The following ST7 variants were observed in gnomAD, a reference collection of about 807,000 sequenced individuals.
ST7 encodes the protein suppression of tumorigenicity 7, also known as suppressor of tumorigenicity 7 protein.
In ST7, 28 loss-of-function variants were observed where a neutral mutation model predicts 78.7. The observed-to-expected ratio is 0.36, with a 90% CI of 0.26 to 0.49. The LOEUF is 0.49. Ranked by LOEUF, ST7 falls within the 20% of genes least tolerant of loss-of-function variation. ST7 has a pLI of 0.99. For missense variants in ST7, 418 were observed against 696.0 expected (o/e 0.60, Z 4.49); for synonymous variants, 247 against 249.6 (o/e 0.99, Z 0.10).
chr7:116,970,030 G>A (rs574192267), intron 1 of ST7, among the ~76,000 whole-genome samples: 8 of 152,196 alleles, frequency 5.3e-5, no homozygotes, highest in African/African-American at 1.9e-4. Context: ...AGCCGAGATC[G>A]CGCCATTGCA....
At chr7:117,028,051 C>T (rs1173939619) in intron 1 of ST7, among the ~76,000 whole-genome samples, 2 of 152,250 alleles carry the variant, frequency 1.3e-5, no homozygotes, top group East Asian at 3.9e-4. Flanking sequence ...CAGTAATCAG[C>T]TCTTGTCATC....
intron 1 of ST7, chr7:116,968,375 T>A: frequency 2.3e-6 from 1 of 433,612 alleles, no homozygotes; most frequent in Non-Finnish European, 4.6e-6. Flanking sequence ...TCTTCTTCCT[T>A]CTTTTTGCTT....
chr7:117,209,542 T>C (rs1792112457), intron 12 of ST7, among the ~76,000 whole-genome samples: 1 of 152,222 alleles, frequency 6.6e-6, no homozygotes, highest in African/African-American at 2.4e-5. Context: ...TTTCTTTGAT[T>C]AGAGTGTCTT....
intron 1 of ST7, among the ~76,000 whole-genome samples, chr7:117,083,450 G>T (rs566364231): frequency 6.6e-6 from 1 of 151,950 alleles, no homozygotes; most frequent in Non-Finnish European, 1.5e-5. Context: ...TAGGGATGGG[G>T]TTTCACCATG....
At chr7:117,041,305 A>G (rs927778055) in intron 1 of ST7, among the ~76,000 whole-genome samples, 4 of 152,186 alleles carry the variant, frequency 2.6e-5, no homozygotes, top group African/African-American at 7.2e-5. Flanking sequence ...AAATTCTGCT[A>G]TTACTGGAGT....
At chr7:116,956,398 C>T (rs750408581) in intron 1 of ST7, 25 of 454,672 alleles carry the variant, frequency 5.5e-5, no homozygotes, top group Non-Finnish European at 8.2e-5. Flanking sequence ...AGAGTTCTAA[C>T]GGGACTAACT....
rs200640833 is a variant in ST7 at position 117,169,137 on chromosome 7, C to T, written c.964-1725C>T. 6.3e-3 allele frequency among the ~76,000 whole-genome samples: 701 copies of T among 110,570 alleles called. 11 individuals carry two copies. Among genetic ancestry groups the T allele is most frequent in the African/African-American group, 0.019 (422 of 22,596 alleles). 72.5% of individuals were successfully genotyped at this position (110,570 alleles called of 152,430 possible). On this transcript the variant is annotated intron_variant, in intron 9 of 15. Coordinates refer to ENST00000323984, the MANE Select transcript of ST7 (RefSeq NM_001369598.1). ...TTACCTTCTTTTTTTAATCTTCTTCCTTTTTTTTTTTTTTTTGAGACGGAG... is the reference window on the plus strand; with the variant it reads ...TTACCTTCTTTTTTTAATCTTCTTCTTTTTTTTTTTTTTTTTGAGACGGAG...
intron 1 of ST7, among the ~76,000 whole-genome samples, chr7:117,004,244 G>A (rs1795064425): frequency 6.6e-6 from 1 of 152,068 alleles, no homozygotes; most frequent in Non-Finnish European, 1.5e-5. Context: ...TGATTTCTTG[G>A]ACATTGATAA....
At chr7:117,103,837 C>A (rs1236534748) in intron 2 of ST7, among the ~76,000 whole-genome samples, 82 of 152,130 alleles carry the variant, frequency 5.4e-4, no homozygotes, top group Non-Finnish European at 4.4e-5. Flanking sequence ...TATTTGCAGG[C>A]TATTCATCTA....
chr7:117,212,137 A>G (rs986834309), intron 13 of ST7, among the ~76,000 whole-genome samples: 2 of 152,230 alleles, frequency 1.3e-5, no homozygotes, highest in African/African-American at 4.8e-5. Context: ...AGTGCTTACT[A>G]TATGCTAAAT....
intron 6 of ST7, among the ~76,000 whole-genome samples, chr7:117,132,474 C>T (rs1346325695): frequency 6.6e-6 from 1 of 151,804 alleles, no homozygotes; most frequent in Non-Finnish European, 1.5e-5. Flanking sequence ...TGGGAAATCT[C>T]TTCTGGAGAT....
chr7:117,181,176 A>G (rs1483570157), intron 10 of ST7, among the ~76,000 whole-genome samples: 1 of 152,218 alleles, frequency 6.6e-6, no homozygotes, highest in Non-Finnish European at 1.5e-5. Context: ...AAGTGTACAA[A>G]AAGATCAGAA....
Position 117,099,750 on chromosome 7 carries a change from T to G in ST7, c.152-12T>G. 6.2e-7 allele frequency: 1 copy of G among 1,606,904 alleles called. No individual in the cohort carries two copies. The highest frequency in any genetic ancestry group is 8.5e-7 in the Non-Finnish European group (1 of 1,176,844). On this transcript the variant is annotated splice_polypyrimidine_tract_variant and intron_variant, in intron 1 of 15. Coordinates refer to ENST00000323984, the MANE Select transcript of ST7 (RefSeq NM_001369598.1). The stretch of plus-strand genomic sequence containing the variant: ...CTTGTTCTTCTCCCTTTCTCTCTCT[T>G]TTCTTTTTCAGTGAGCATGTTTTTG...
At chr7:117,028,611 G>T (rs1218073241) in intron 1 of ST7, among the ~76,000 whole-genome samples, 1 of 152,138 alleles carries the variant, frequency 6.6e-6, no homozygotes, top group Non-Finnish European at 1.5e-5. Flanking sequence ...TCTTGTGTTG[G>T]TATAATGATG....
At chr7:117,039,709 G>GT (rs1332652773) in intron 1 of ST7, among the ~76,000 whole-genome samples, 4 of 152,004 alleles carry the variant, frequency 2.6e-5, no homozygotes, top group African/African-American at 7.3e-5. Flanking sequence ...AAAAATTTAT[G>GT]TTTTTTATGT....
At chr7:117,116,039 G>T (rs928507526) in intron 2 of ST7, among the ~76,000 whole-genome samples, 6 of 151,964 alleles carry the variant, frequency 3.9e-5, no homozygotes, top group African/African-American at 1.2e-4. Context: ...AGCAACCAAG[G>T]TCACATAGCC....
intron 9 of ST7, among the ~76,000 whole-genome samples, chr7:117,165,822 G>C (rs938650405): frequency 6.6e-6 from 1 of 152,168 alleles, no homozygotes. Context: ...CAGGACAGGA[G>C]AGCACTCCAG....
intron 15 of ST7, among the ~76,000 whole-genome samples, chr7:117,225,664 G>A (rs1485787843): frequency 6.6e-6 from 1 of 152,198 alleles, no homozygotes; most frequent in Non-Finnish European, 1.5e-5. Context: ...TTTGCAGCTT[G>A]TGAAAGTGAT....
chr7:117,120,365 T>C (rs1803269184), intron 3 of ST7, among the ~76,000 whole-genome samples: 2 of 152,108 alleles, frequency 1.3e-5, no homozygotes, highest in South Asian at 4.1e-4. Context: ...AATTGCAGAA[T>C]CTTGTGTCTA....
Sources: gnomAD v4.1 joint callset for allele counts (sites outside exome capture counted in the v4.1 genomes callset) on GRCh38, gnomAD v4.1.1 for gene constraint, MANE v1.5 for transcripts, NCBI Gene and HGNC (gene_info 2026-07-23, HGNC 2026-07-21) for gene names.